The following ASCC3 variants were observed in gnomAD, a reference collection of about 807,000 sequenced individuals.
ASCC3 encodes the protein activating signal cointegrator 1 complex subunit 3.
Under a neutral mutation model 256.3 loss-of-function variants are expected in ASCC3, and 158 were observed. That is an observed-to-expected ratio of 0.62 (90% CI 0.54 to 0.70). The LOEUF (loss-of-function observed/expected upper bound fraction) is 0.70. Ranked by LOEUF, ASCC3 falls within the 30% of genes least tolerant of loss-of-function variation. The pLI is 0.00. For synonymous variants in ASCC3, 948 were observed against 883.4 expected, an observed-to-expected ratio of 1.07 and a Z score of -1.30; for missense variants, 2,259 against 2,626.0, an observed-to-expected ratio of 0.86 and a Z score of 3.05.
chr6:100,747,407 T>G, intron 10 of ASCC3, among the ~76,000 whole-genome samples: 1 of 152,088 alleles, frequency 6.6e-6, no homozygotes, highest in Non-Finnish European at 1.5e-5. Context: ...CCAAAATGAA[T>G]GCATGCGTCC....
intron 36 of ASCC3, among the ~76,000 whole-genome samples, chr6:100,580,915 T>C (rs1289408859): frequency 2.0e-5 from 3 of 152,092 alleles, no homozygotes; most frequent in East Asian, 3.9e-4. Flanking sequence ...CATGAACTCA[T>C]CATTTTTATG....
rs61056430 is a variant in ASCC3, at chr6:100,622,614, T to G, written c.4785+2578A>C. Reference sequence around the variant, plus strand: ...ACATCCTGTTTATATACCCCAGAACTTAAAATAAAAGTTGAAGAAAAAAAT... The same window carrying G: ...ACATCCTGTTTATATACCCCAGAACGTAAAATAAAAGTTGAAGAAAAAAAT... On this transcript the variant is annotated intron_variant, in intron 30 of 41. Transcript: ENST00000369162. Among the ~76,000 whole-genome samples the G allele has an allele frequency of 5.4e-3, 817 of 151,920 alleles. 6 individuals are homozygous for G. The highest frequency in any genetic ancestry group is 0.019 in the African/African-American group (782 of 41,430).
chr6:100,873,549 A>C (rs1158290542), intron 1 of ASCC3, among the ~76,000 whole-genome samples: 1 of 152,162 alleles, frequency 6.6e-6, no homozygotes, highest in Non-Finnish European at 1.5e-5. Context: ...TCATCACAAA[A>C]AGATCATCGC....
chr6:100,563,489 G>A (rs1046171108), intron 36 of ASCC3, among the ~76,000 whole-genome samples: 3 of 151,986 alleles, frequency 2.0e-5, no homozygotes, highest in African/African-American at 7.2e-5. Context: ...TTTTTATTTG[G>A]TTAGTGTTTC....
At chr6:100,788,996 A>AT (rs1769222342) in intron 8 of ASCC3, among the ~76,000 whole-genome samples, 1 of 151,866 alleles carries the variant, frequency 6.6e-6, no homozygotes, top group Admixed American at 6.6e-5. Flanking sequence ...AAAAGGGTGT[A>AT]TTTTATAGTA....
chr6:100,721,370 C>A (rs1222514933), intron 11 of ASCC3, among the ~76,000 whole-genome samples: 1 of 151,720 alleles, frequency 6.6e-6, no homozygotes, highest in Non-Finnish European at 1.5e-5. Flanking sequence ...TGAAAAACAT[C>A]AGTAAGTTAA....
chr6:100,767,397 A>G (rs751461231), intron 8 of ASCC3, 52 bp from the exon 9 acceptor site: 3 of 1,518,502 alleles, frequency 2.0e-6, no homozygotes, highest in Non-Finnish European at 1.8e-6. Flanking sequence ...TGAAGGACCC[A>G]TACAAATCAT....
At chr6:100,514,973 T>G (rs1582369068) in intron 39 of ASCC3, among the ~76,000 whole-genome samples, 1 of 152,316 alleles carries the variant, frequency 6.6e-6, no homozygotes, top group East Asian at 1.9e-4. Flanking sequence ...GCTCTGCAAA[T>G]TGAAGCACTT....
intron 8 of ASCC3, among the ~76,000 whole-genome samples, chr6:100,783,109 T>C (rs574708292): frequency 2.0e-5 from 3 of 152,266 alleles, no homozygotes; most frequent in Admixed American, 6.5e-5. Flanking sequence ...TCATGTATTA[T>C]ATAAATATTT....
Position 100,875,940 on chromosome 6 carries a change from G to A in ASCC3, c.-42+5121C>T, listed in dbSNP as rs542318431. 2.4e-3 allele frequency among the ~76,000 whole-genome samples: 369 copies of A among 152,212 alleles called. 2 individuals carry two copies. The highest frequency in any genetic ancestry group is 7.0e-3 in the South Asian group (34 of 4,824). On this transcript the variant is annotated intron_variant, in intron 1 of 41. Transcript: ENST00000369162. ...AAAATGAGAAAGAAAAGGAGAAAAA[G>A]TAGGAAATACTGAAATAATGTGGTT... is the stretch of plus-strand genomic sequence containing the variant.
At chr6:100,594,632 T>TA (rs1385045231) in intron 34 of ASCC3, among the ~76,000 whole-genome samples, 4 of 152,064 alleles carry the variant, frequency 2.6e-5, no homozygotes, top group African/African-American at 7.2e-5. Flanking sequence ...GGATAGTTCC[T>TA]AAAAATCTAA....
intron 30 of ASCC3, 78 bp from the exon 31 acceptor site, chr6:100,607,166 A>G (rs1186186321): frequency 5.5e-6 from 8 of 1,460,982 alleles, no homozygotes; most frequent in Non-Finnish European, 7.6e-6. Context: ...TTCAAAAAAC[A>G]TTAATTTTGT....
chr6:100,747,481 CAT>C (rs1453074430), intron 10 of ASCC3, among the ~76,000 whole-genome samples: 1 of 151,980 alleles, frequency 6.6e-6, no homozygotes, highest in Non-Finnish European at 1.5e-5. Flanking sequence ...AGAAGCAAGC[CAT>C]ATGTCTGTGA....
intron 11 of ASCC3, among the ~76,000 whole-genome samples, chr6:100,724,158 A>AC (rs1481439356): frequency 3.4e-5 from 5 of 148,980 alleles, no homozygotes; most frequent in Non-Finnish European, 6.0e-5. Context: ...CAAAAAAAAA[A>AC]ACAAAAAAAA....
In ASCC3 at chr6:100,725,686, T is replaced by C; in HGVS notation, c.1755A>G (p.Pro585=). The change falls in exon 11 of 42, where the codon CCA becomes CCG. Residue 585 remains proline (P), a synonymous_variant. Coordinates refer to ENST00000369162, the MANE Select transcript of ASCC3 (RefSeq NM_006828.4). ...ILRTQMLVTT[P]EKWDVVTRKS... Reference sequence around the variant, plus strand: ...TTCTTGTCACTACATCCCATTTTTCTGGTGTGGTCACAAGCATCTATAAGA... The same window carrying C: ...TTCTTGTCACTACATCCCATTTTTCCGGTGTGGTCACAAGCATCTATAAGA... 1 of 1,612,550 alleles carries C rather than the reference T, an allele frequency of 6.2e-7. No homozygotes were observed.
intron 30 of ASCC3, among the ~76,000 whole-genome samples, chr6:100,609,349 C>A (rs1562164233): frequency 6.6e-6 from 1 of 151,908 alleles, no homozygotes; most frequent in Non-Finnish European, 1.5e-5. Flanking sequence ...AGGTTAAATA[C>A]TTCCTTATCT....
intron 11 of ASCC3, among the ~76,000 whole-genome samples, chr6:100,723,876 A>ATTTATAAT (rs1554220105): frequency 7.6e-6 from 1 of 131,198 alleles, no homozygotes; most frequent in Non-Finnish European, 1.6e-5. Context: ...ATATATATAT[A>ATTTATAAT]TATATATATA....
At chr6:100,828,249 TAA>T (rs1209687322) in intron 4 of ASCC3, among the ~76,000 whole-genome samples, 1 of 152,188 alleles carries the variant, frequency 6.6e-6, no homozygotes, top group African/African-American at 2.4e-5. Flanking sequence ...TGGAACTAGT[TAA>T]GAGGAAATGG....
At chr6:100,603,059 T>C (rs1772706039) in intron 33 of ASCC3, among the ~76,000 whole-genome samples, 1 of 152,106 alleles carries the variant, frequency 6.6e-6, no homozygotes, top group Non-Finnish European at 1.5e-5. Context: ...TTTTTCATTA[T>C]GATCTGCTAG....
Sources: allele counts gnomAD v4.1 joint callset (sites outside exome capture counted in the v4.1 genomes callset), GRCh38; gene constraint gnomAD v4.1.1; transcripts MANE v1.5; gene names NCBI Gene and HGNC (gene_info 2026-07-23, HGNC 2026-07-21).